The following NDE1 variants were observed in gnomAD, a reference collection of about 807,000 sequenced individuals.
NDE1 encodes the protein nuclear distribution protein nudE homolog 1.
A neutral mutation model predicts 43.4 loss-of-function variants in NDE1; 28 were observed. That is an observed-to-expected ratio of 0.65 (90% CI 0.48 to 0.89). NDE1 has a LOEUF of 0.89. Among genes scored for constraint, NDE1 ranks in the 40% least tolerant of loss-of-function variants. The probability of loss-of-function intolerance (pLI) is 0.00; values close to 1 mark genes in which losing one functional copy is unlikely to be tolerated. For missense variants in NDE1, 441 were observed against 434.1 expected, an observed-to-expected ratio of 1.02 and a Z score of -0.14; for synonymous variants, 184 against 172.0, an observed-to-expected ratio of 1.07 and a Z score of -0.55.
chr16:15,656,586 G>A (rs896601747), intron 1 of NDE1, among the ~76,000 whole-genome samples: 21 of 151,948 alleles, frequency 1.4e-4, no homozygotes, highest in African/African-American at 4.1e-4. Context: ...TGTCACCCAG[G>A]CTGGAGTGCA....
chr16:15,682,045 C>CT (rs1254741931), intron 4 of NDE1, among the ~76,000 whole-genome samples: 1 of 152,094 alleles, frequency 6.6e-6, no homozygotes, highest in Non-Finnish European at 1.5e-5. Flanking sequence ...TTTTTTCTTT[C>CT]TTTTCTATTT....
At chr16:15,703,813 G>A in intron 8 of NDE1, 1 of 854,062 alleles carries the variant, frequency 1.2e-6, no homozygotes, top group Non-Finnish European at 1.9e-6. Flanking sequence ...GAGGGTGGTG[G>A]TTTTTATATT....
intron 4 of NDE1, among the ~76,000 whole-genome samples, chr16:15,679,334 C>T (rs1282756260): frequency 1.3e-5 from 2 of 152,138 alleles, no homozygotes; most frequent in African/African-American, 4.8e-5. Flanking sequence ...TCTTTTTCTC[C>T]TGTCCGTCTC....
upstream of NDE1, among the ~76,000 whole-genome samples, chr16:15,647,738 C>A (rs993323278): frequency 8.6e-5 from 13 of 152,042 alleles, no homozygotes; most frequent in Admixed American, 7.9e-4. Flanking sequence ...CAGAAGAATG[C>A]TCATAATGCC....
At chr16:15,667,641 T>TG in intron 3 of NDE1, among the ~76,000 whole-genome samples, 1 of 148,184 alleles carries the variant, frequency 6.7e-6, no homozygotes, top group Non-Finnish European at 1.5e-5. Context: ...TGTTTTTTTT[T>TG]TTTTTTTGAG....
chr16:15,657,298 C>T (rs1220568893), intron 1 of NDE1, among the ~76,000 whole-genome samples: 3 of 152,052 alleles, frequency 2.0e-5, no homozygotes, highest in Non-Finnish European at 2.9e-5. Flanking sequence ...GGAGTTTCAC[C>T]ATGTTGGCCA....
chr16:15,648,437 TTTTA>T (rs1277405216), upstream of NDE1, among the ~76,000 whole-genome samples: 1 of 152,096 alleles, frequency 6.6e-6, no homozygotes, highest in Non-Finnish European at 1.5e-5. Context: ...GGTGGCTTGA[TTTTA>T]TTTATTTATT....
chr16:15,683,307 A>T (rs530256261), intron 4 of NDE1: 1 of 152,212 alleles, frequency 6.6e-6, no homozygotes, highest in South Asian at 2.1e-4. Flanking sequence ...CATAGTCACA[A>T]ATTATTGCAA....
chr16:15,719,288 C>T, intron 8 of NDE1: 2 of 1,612,414 alleles, frequency 1.2e-6, no homozygotes, highest in Non-Finnish European at 1.7e-6. Context: ...GTTTGCGAGC[C>T]CTCTCAGCGG....
At chr16:15,678,840 G>T (rs1227890354) in intron 4 of NDE1, among the ~76,000 whole-genome samples, 2 of 152,108 alleles carry the variant, frequency 1.3e-5, no homozygotes, top group African/African-American at 4.8e-5. Flanking sequence ...ACTTTTGGAG[G>T]CCGAGGTGGG....
chr16:15,720,741 A>G, intron 8 of NDE1: 2 of 1,350,550 alleles, frequency 1.5e-6, no homozygotes, highest in Non-Finnish European at 2.1e-6. Context: ...TCAAAAAAAA[A>G]TAAAGAAAAC....
intron 1 of NDE1, among the ~76,000 whole-genome samples, chr16:15,657,749 C>T (rs1313088595): frequency 1.3e-5 from 2 of 152,024 alleles, no homozygotes; most frequent in Non-Finnish European, 2.9e-5. Flanking sequence ...GCACGCACCG[C>T]CGTGCCCGTT....
At chr16:15,686,614 A>G (rs1257877422) in intron 4 of NDE1, 1 of 894,872 alleles carries the variant, frequency 1.1e-6, no homozygotes, top group African/African-American at 1.8e-5. Context: ...AGAGTTTGAG[A>G]TTGCAGTGAG....
At chr16:15,645,503 G>A (rs1372682854), upstream of NDE1, among the ~76,000 whole-genome samples, 1 of 152,180 alleles carries the variant, frequency 6.6e-6, no homozygotes, top group Non-Finnish European at 1.5e-5. Context: ...GTCGTATTAA[G>A]TGGAAGGCTA....
intron 8 of NDE1, among the ~76,000 whole-genome samples, chr16:15,711,529 TTGCC>T (rs1203931156): frequency 6.6e-6 from 1 of 152,190 alleles, no homozygotes; most frequent in Non-Finnish European, 1.5e-5. Flanking sequence ...GTATGTTTAT[TTGCC>T]GTTATATTCA....
chr16:15,709,317 A>G (rs1169207298), intron 8 of NDE1, among the ~76,000 whole-genome samples: 1 of 151,494 alleles, frequency 6.6e-6, no homozygotes, highest in Non-Finnish European at 1.5e-5. Context: ...AGGCTGGTAG[A>G]TGAAAGGATA....
chr16:15,726,180 G>C lies in NDE1; in HGVS notation c.*1929G>C, dbSNP rs1488728058. On this transcript the variant is annotated 3_prime_UTR_variant, in exon 9 of 9. Transcript: ENST00000396354. ...GTGCCTTCCCTTTGCTGCATCATTT[G>C]ACATTCATTTGTGTGATTATTCATG... 1.3e-5 allele frequency: 2 copies of C among 155,458 alleles called. No homozygotes were observed. The highest frequency in any genetic ancestry group is 4.8e-5 in the African/African-American group (2 of 41,502). 9.6% of individuals were successfully genotyped at this position (155,458 alleles called of 1,614,324 possible). A position where few individuals can be genotyped will look rare whatever the true frequency, so the allele number is the denominator to read the frequency against.
At chr16:15,719,268 A>C in intron 8 of NDE1, 1 of 1,613,178 alleles carries the variant, frequency 6.2e-7, no homozygotes, top group Non-Finnish European at 8.5e-7. Context: ...CTCCTTCTCG[A>C]GGTCCGCTTG....
chr16:15,688,949 C>T (rs1056345287), intron 5 of NDE1, among the ~76,000 whole-genome samples: 2 of 151,898 alleles, frequency 1.3e-5, no homozygotes, highest in African/African-American at 2.4e-5. Flanking sequence ...CTGCCTGCCT[C>T]GGCCTCCCAA....
Sources: allele counts gnomAD v4.1 joint callset (sites outside exome capture counted in the v4.1 genomes callset), GRCh38; gene constraint gnomAD v4.1.1; transcripts MANE v1.5; gene names NCBI Gene and HGNC (gene_info 2026-07-23, HGNC 2026-07-21).